The following OSBPL1A variants were observed in gnomAD, a reference collection of about 807,000 sequenced individuals.
OSBPL1A encodes oxysterol-binding protein-related protein 1.
A neutral mutation model predicts 137.1 loss-of-function variants in OSBPL1A; 80 were observed. The observed-to-expected ratio is 0.58, with a 90% confidence interval of 0.49 to 0.70. OSBPL1A has a LOEUF of 0.70. Ranked by LOEUF, OSBPL1A falls within the 30% of genes least tolerant of loss-of-function variation. The pLI is 0.00. For missense variants in OSBPL1A, 970 were observed against 1,129.4 expected (o/e 0.86, Z 2.02); for synonymous variants, 365 against 389.7 (o/e 0.94, Z 0.75).
rs76510429 is a variant in OSBPL1A at position 24,220,303 on chromosome 18, C to A, written c.1601+4739G>T. On this transcript the variant is annotated intron_variant, in intron 17 of 27. Coordinates refer to ENST00000319481, the MANE Select transcript of OSBPL1A (RefSeq NM_080597.4). ...AGCTTCTCATTGCCTGCTCCTTGGT[C>A]CCTAGTTCTCTTTTCTCGCTTGGGA... Among the ~76,000 whole-genome samples the A allele has an allele frequency of 3.2e-3, 481 of 152,334 alleles. 3 individuals carry two copies. The highest frequency in any genetic ancestry group is 0.011 in the African/African-American group (459 of 41,572).
intron 16 of OSBPL1A, among the ~76,000 whole-genome samples, chr18:24,227,559 C>T (rs1356787139): frequency 1.3e-5 from 2 of 152,034 alleles, no homozygotes; most frequent in Non-Finnish European, 2.9e-5. Flanking sequence ...GTTTAGGGCA[C>T]GTGTGGAAAG....
At chr18:24,369,941 G>C (rs1376882128) in intron 2 of OSBPL1A, among the ~76,000 whole-genome samples, 1 of 152,174 alleles carries the variant, frequency 6.6e-6, no homozygotes, top group Non-Finnish European at 1.5e-5. Context: ...CCCACTGCTG[G>C]CCGAGCATGG....
chr18:24,276,465 CAG>C lies in OSBPL1A; in HGVS notation c.1281+4375_1281+4376del, dbSNP rs370986838. Among the ~76,000 whole-genome samples, 493 of 152,172 alleles carry C rather than the reference CAG, an allele frequency of 3.2e-3. 1 individual carries two copies. The highest frequency in any genetic ancestry group is 0.012 in the African/African-American group (481 of 41,532). On this transcript the variant is annotated intron_variant, in intron 15 of 27. Coordinates refer to ENST00000319481, the MANE Select transcript of OSBPL1A (RefSeq NM_080597.4). ...TTGTTTGTTTTTTGTTTTTTTGAGA[CAG>C]AGCTCTTGTTTCCCAAGCTGGAGTG...
intron 14 of OSBPL1A, among the ~76,000 whole-genome samples, chr18:24,294,295 G>A (rs1056880414): frequency 2.0e-5 from 3 of 151,672 alleles, no homozygotes; most frequent in Admixed American, 2.0e-4. Context: ...GCAGTGGCGC[G>A]ATCTCGGCTC....
At chr18:24,167,711 C>T (rs752589798) in intron 24 of OSBPL1A, among the ~76,000 whole-genome samples, 10 of 152,190 alleles carry the variant, frequency 6.6e-5, no homozygotes, top group South Asian at 2.1e-4. Context: ...AATACATACA[C>T]GATCTTAGTT....
At chr18:24,217,736 C>T (rs2087754156) in intron 17 of OSBPL1A, among the ~76,000 whole-genome samples, 1 of 152,170 alleles carries the variant, frequency 6.6e-6, no homozygotes, top group Middle Eastern at 3.4e-3. Context: ...AATGACTAAA[C>T]CCAAGAATCA....
At chr18:24,382,246 A>G (rs1422337475) in intron 1 of OSBPL1A, among the ~76,000 whole-genome samples, 3 of 150,556 alleles carry the variant, frequency 2.0e-5, no homozygotes, top group Non-Finnish European at 4.4e-5. Flanking sequence ...AAAAAAAAAA[A>G]AAAAAAAAAA....
At chr18:24,241,249 T>C (rs1046463141) in intron 15 of OSBPL1A, among the ~76,000 whole-genome samples, 1 of 152,130 alleles carries the variant, frequency 6.6e-6, no homozygotes, top group Admixed American at 6.5e-5. Context: ...CCAAAAGCAA[T>C]GGCAACAAAA....
chr18:24,164,911 G>A (rs577051299), intron 27 of OSBPL1A, among the ~76,000 whole-genome samples, 154 bp downstream of exon 27: 24 of 152,340 alleles, frequency 1.6e-4, no homozygotes, highest in African/African-American at 5.8e-4. Context: ...ATAAAAGTCA[G>A]TGGAAATAAC....
chr18:24,304,177 G>A (rs532588820), intron 13 of OSBPL1A, among the ~76,000 whole-genome samples: 5 of 152,216 alleles, frequency 3.3e-5, no homozygotes, highest in Admixed American at 1.3e-4. Context: ...GCTGATTCTC[G>A]TTCAGCAATC....
chr18:24,194,244 T>C (rs537917481), intron 18 of OSBPL1A, among the ~76,000 whole-genome samples: 19 of 152,360 alleles, frequency 1.2e-4, no homozygotes, highest in Non-Finnish European at 2.5e-4. Context: ...ACAAATTCTA[T>C]AGTAACTCAG....
chr18:24,390,165 A>T (rs958276287), intron 1 of OSBPL1A, among the ~76,000 whole-genome samples: 1 of 152,154 alleles, frequency 6.6e-6, no homozygotes, highest in Admixed American at 6.5e-5. Context: ...ATATAACAAC[A>T]TGCAACTGTA....
At chr18:24,355,104 T>C (rs1219354014) in intron 4 of OSBPL1A, among the ~76,000 whole-genome samples, 2 of 152,150 alleles carry the variant, frequency 1.3e-5, no homozygotes, top group African/African-American at 2.4e-5. Context: ...CGTGAGGCTG[T>C]TGCCTTTCTC....
rs71373370 is a variant in OSBPL1A, at chr18:24,260,837, C to CAAA, written c.1281+20002_1281+20004dup. 9.3e-3 allele frequency among the ~76,000 whole-genome samples: 1,117 copies of CAAA among 120,354 alleles called. 24 individuals carry two copies. The highest frequency in any genetic ancestry group is 0.03 in the African/African-American group (984 of 32,468). The allele number at this position is 120,354 out of a possible 152,430, so 79.0% of individuals were successfully genotyped here. ...TTTTTCCCCAAAGTTTAAAAGAACT[C>CAAA]AAAAAAAAAAAAAAAAGACAAACAT... On this transcript the variant is annotated intron_variant, in intron 15 of 27. Transcript: ENST00000319481.
intron 17 of OSBPL1A, among the ~76,000 whole-genome samples, chr18:24,198,068 G>C (rs1253577144): frequency 6.6e-6 from 1 of 152,090 alleles, no homozygotes; most frequent in African/African-American, 2.4e-5. Context: ...GATTACAGGC[G>C]TGAGCTACCG....
At chr18:24,180,718 A>G (rs889074451) in intron 19 of OSBPL1A, among the ~76,000 whole-genome samples, 1 of 152,196 alleles carries the variant, frequency 6.6e-6, no homozygotes, top group Non-Finnish European at 1.5e-5. Context: ...TACTAAAAAA[A>G]TACAAAAAAT....
At chr18:24,169,033 C>G (rs1297195729) in intron 24 of OSBPL1A, among the ~76,000 whole-genome samples, 1 of 152,168 alleles carries the variant, frequency 6.6e-6, no homozygotes, top group African/African-American at 2.4e-5. Context: ...GTCCCAGAAT[C>G]CTGGACATGC....
chr18:24,229,108 G>C (rs1400197946), intron 16 of OSBPL1A, among the ~76,000 whole-genome samples: 1 of 152,130 alleles, frequency 6.6e-6, no homozygotes, highest in Non-Finnish European at 1.5e-5. Context: ...GGCTGAGGCA[G>C]GAAGAACTGC....
chr18:24,275,056 A>G lies in OSBPL1A; in HGVS notation c.1281+5786T>C, dbSNP rs1361218584. Among the ~76,000 whole-genome samples the G allele has an allele frequency of 3.3e-5, 5 of 152,326 alleles. No individual in the cohort carries two copies. In the East Asian group the frequency reaches 9.6e-4, roughly 29 times the overall value. ...AGGCCCTTCAGAGGACAAGCAAGAC[A>G]ATTTTTAAATGTCCTTTGATTTAGC... On this transcript the variant is annotated intron_variant, in intron 15 of 27. Transcript: ENST00000319481.
Sources: allele counts gnomAD v4.1 joint callset (sites outside exome capture counted in the v4.1 genomes callset), GRCh38; gene constraint gnomAD v4.1.1; transcripts MANE v1.5; gene names NCBI Gene and HGNC (gene_info 2026-07-23, HGNC 2026-07-21).